The following AGBL4 variants were observed in gnomAD, a reference collection of about 807,000 sequenced individuals.
AGBL4 encodes the protein cytosolic carboxypeptidase 6.
In AGBL4, 58 loss-of-function variants were observed where a neutral mutation model predicts 66.4. That is an observed-to-expected ratio of 0.87 (90% CI 0.71 to 1.09). The LOEUF (loss-of-function observed/expected upper bound fraction) is 1.09. Ranked by LOEUF, AGBL4 falls within the 50% of genes least tolerant of loss-of-function variation. AGBL4 has a pLI of 0.00. For missense variants in AGBL4, 579 were observed against 631.0 expected (o/e 0.92, Z 0.88); for synonymous variants, 234 against 222.9 (o/e 1.05, Z -0.44).
At chr1:48,997,491 A>G (rs1476077930) in intron 5 of AGBL4, among the ~76,000 whole-genome samples, 1 of 152,196 alleles carries the variant, frequency 6.6e-6, no homozygotes, top group Non-Finnish European at 1.5e-5. Context: ...TAATGTTTAG[A>G]AAAACACGCA....
intron 1 of AGBL4, among the ~76,000 whole-genome samples, chr1:49,975,246 C>T (rs1276131256): frequency 6.6e-6 from 1 of 152,150 alleles, no homozygotes; most frequent in Non-Finnish European, 1.5e-5. Context: ...CAACTCTGCC[C>T]TTAAATACAG....
chr1:48,957,071 C>T (rs1209965343), intron 5 of AGBL4, among the ~76,000 whole-genome samples: 2 of 151,998 alleles, frequency 1.3e-5, no homozygotes, highest in East Asian at 1.9e-4. Flanking sequence ...GTTTAAACTC[C>T]CATGTTTTAA....
intron 6 of AGBL4, among the ~76,000 whole-genome samples, chr1:48,774,196 C>G (rs1357337101): frequency 6.6e-6 from 1 of 152,220 alleles, no homozygotes; most frequent in African/African-American, 2.4e-5. Flanking sequence ...AAAGCCACCT[C>G]TGCTTCCCAC....
chr1:48,841,133 G>A (rs1558032490), intron 6 of AGBL4, among the ~76,000 whole-genome samples: 1 of 152,148 alleles, frequency 6.6e-6, no homozygotes, highest in East Asian at 1.9e-4. Flanking sequence ...GACTACCAGA[G>A]GTAGCACAAG....
chr1:49,335,641 G>A (rs895030837), intron 3 of AGBL4, among the ~76,000 whole-genome samples: 13 of 151,618 alleles, frequency 8.6e-5, no homozygotes, highest in Non-Finnish European at 1.5e-4. Context: ...TCAGCTTCCC[G>A]AGTAGCTGGG....
intron 8 of AGBL4, among the ~76,000 whole-genome samples, chr1:48,652,478 G>A (rs1218523717): frequency 6.6e-6 from 1 of 152,182 alleles, no homozygotes; most frequent in Non-Finnish European, 1.5e-5. Flanking sequence ...TCTAGGAGGA[G>A]AGGAGGAGGT....
At chr1:49,738,855 G>C (rs1650145352) in intron 2 of AGBL4, among the ~76,000 whole-genome samples, 1 of 152,192 alleles carries the variant, frequency 6.6e-6, no homozygotes, top group African/African-American at 2.4e-5. Flanking sequence ...CTGACTGTTA[G>C]AAGGAAAACT....
At chr1:49,574,152 C>T (rs1361384077) in intron 3 of AGBL4, among the ~76,000 whole-genome samples, 2 of 152,142 alleles carry the variant, frequency 1.3e-5, no homozygotes, top group Non-Finnish European at 2.9e-5. Flanking sequence ...ATGAGGTGTG[C>T]TACACTCGAA....
At chr1:49,715,644 C>G (rs1450979325) in intron 2 of AGBL4, among the ~76,000 whole-genome samples, 2 of 151,750 alleles carry the variant, frequency 1.3e-5, no homozygotes, top group African/African-American at 4.8e-5. Context: ...TTTTAATGAT[C>G]ACCATTCTAA....
chr1:48,541,637 C>T (rs529360110), intron 11 of AGBL4, among the ~76,000 whole-genome samples: 4 of 152,162 alleles, frequency 2.6e-5, no homozygotes, highest in East Asian at 3.9e-4. Context: ...GGCGTTGGGG[C>T]GCATGCCTGT....
intron 4 of AGBL4, among the ~76,000 whole-genome samples, chr1:49,122,990 A>T (rs953768281): frequency 6.6e-6 from 1 of 152,004 alleles, no homozygotes; most frequent in East Asian, 1.9e-4. Context: ...AGTAGCTGGG[A>T]TTATAGGCAC....
chr1:48,587,515 C>T (rs1644841976), intron 10 of AGBL4, among the ~76,000 whole-genome samples: 1 of 151,948 alleles, frequency 6.6e-6, no homozygotes. Context: ...GTAGTCCCAG[C>T]TACTTGGGAG....
At chr1:49,222,382 T>C (rs1649567399) in intron 4 of AGBL4, among the ~76,000 whole-genome samples, 1 of 151,976 alleles carries the variant, frequency 6.6e-6, no homozygotes, top group Admixed American at 6.6e-5. Flanking sequence ...AAGATATTCT[T>C]AGGTCATGAA....
chr1:49,966,567 G>C (rs185166177), intron 1 of AGBL4, among the ~76,000 whole-genome samples: 2 of 152,032 alleles, frequency 1.3e-5, no homozygotes, highest in Non-Finnish European at 1.5e-5. Flanking sequence ...AATTTCAGAC[G>C]TCAAACCCCA....
At chr1:49,195,051 A>G (rs1258610191) in intron 4 of AGBL4, among the ~76,000 whole-genome samples, 1 of 151,848 alleles carries the variant, frequency 6.6e-6, no homozygotes, top group East Asian at 1.9e-4. Context: ...TTTTTTGCCC[A>G]GGCTGGTATT....
intron 3 of AGBL4, among the ~76,000 whole-genome samples, chr1:49,282,337 C>T (rs1644292687): frequency 6.6e-6 from 1 of 152,030 alleles, no homozygotes; most frequent in Non-Finnish European, 1.5e-5. Context: ...GAGATTTTGT[C>T]ATTTCTCTTC....
At chr1:49,222,454 T>C (rs535910854) in intron 4 of AGBL4, among the ~76,000 whole-genome samples, 2 of 152,218 alleles carry the variant, frequency 1.3e-5, no homozygotes, top group Admixed American at 1.3e-4. Context: ...GATATGCACG[T>C]TCTGCATATA....
intron 4 of AGBL4, among the ~76,000 whole-genome samples, chr1:49,068,252 A>G (rs1644529053): frequency 1.3e-5 from 2 of 150,164 alleles, no homozygotes; most frequent in Admixed American, 1.3e-4. Context: ...TTTTTTTATT[A>G]TAAGTTCTGG....
chr1:49,637,405 A>G (rs1329496621), intron 3 of AGBL4, among the ~76,000 whole-genome samples: 1 of 151,924 alleles, frequency 6.6e-6, no homozygotes, highest in Admixed American at 6.6e-5. Context: ...GGTTCAAGCA[A>G]TTCTCCTGCC....
Sources: allele counts gnomAD v4.1 joint callset (sites outside exome capture counted in the v4.1 genomes callset), GRCh38; gene constraint gnomAD v4.1.1; transcripts MANE v1.5; gene names NCBI Gene and HGNC (gene_info 2026-07-23, HGNC 2026-07-21).